The following RBFOX1 variants were observed in gnomAD, a reference collection of about 807,000 sequenced individuals.
RBFOX1 encodes the protein RNA binding fox-1 homolog 1, also known as RNA binding protein fox-1 homolog 1.
RBFOX1 carries 8 observed loss-of-function variants against 57.7 expected under a neutral mutation model. The observed-to-expected ratio is 0.14, with a 90% confidence interval of 0.08 to 0.25. RBFOX1 has a LOEUF of 0.25. Among genes scored for constraint, RBFOX1 ranks in the 10% least tolerant of loss-of-function variants. The probability of loss-of-function intolerance (pLI) is 1.00; values close to 1 mark genes in which losing one functional copy is unlikely to be tolerated. For missense variants in RBFOX1, 611 were observed against 548.5 expected, an observed-to-expected ratio of 1.11 and a Z score of -1.14; for synonymous variants, 326 against 222.4, an observed-to-expected ratio of 1.47 and a Z score of -4.15.
In RBFOX1 at chr16:7,642,154, T is replaced by G. The variant is rs193131909; in HGVS notation, c.757+11471T>G. On this transcript the variant is annotated intron_variant, in intron 11 of 15. Transcript: ENST00000550418. The stretch of plus-strand genomic sequence containing the variant: ...AGCGGGTTTGGATGGTTTATATTAG[T>G]CCAGTGACTGGACTGGTGGACCACT... Among the ~76,000 whole-genome samples, 106 of 152,226 alleles carry G rather than the reference T, an allele frequency of 7.0e-4. 3 individuals are homozygous for G. The East Asian group carries it at 0.019, about 27-fold the overall frequency.
In RBFOX1 at chr16:6,308,252, C is replaced by G. The variant is rs1328926961; in HGVS notation, c.-126-8743C>G. ...TGCACATCCTATAAATGATCATCAT[C>G]TGTTATTTCCATATTTATTTATTTG... On this transcript the variant is annotated intron_variant, in intron 1 of 15. Transcript: ENST00000550418. Among the ~76,000 whole-genome samples the G allele has an allele frequency of 2.0e-5, 3 of 152,196 alleles. No homozygotes were observed. In the East Asian group the frequency reaches 5.8e-4, roughly 29 times the overall value.
In RBFOX1 at chr16:7,020,289, A is replaced by G. The variant is rs55964618; in HGVS notation, c.-15-31768A>G. ...TACCCAGGCTGGAGTGCAGAGGCAC[A>G]GTCTTGGCTCACTGCAACCTCTGTC... On this transcript the variant is annotated intron_variant, in intron 3 of 15. Transcript: ENST00000550418. 9.0e-3 allele frequency among the ~76,000 whole-genome samples: 1,372 copies of G among 152,114 alleles called. 23 individuals carry two copies. Among genetic ancestry groups the G allele is most frequent in the African/African-American group, 0.031 (1,297 of 41,510 alleles).
intron 2 of RBFOX1, among the ~76,000 whole-genome samples, chr16:6,606,693 C>A (rs959992701): frequency 6.6e-6 from 1 of 152,094 alleles, no homozygotes; most frequent in South Asian, 2.1e-4. Context: ...CATCTCATTC[C>A]TTTTTATGGC....
At chr16:5,794,626 T>G (rs1231011713) in intron 3 of RBFOX1, among the ~76,000 whole-genome samples, 3 of 152,132 alleles carry the variant, frequency 2.0e-5, no homozygotes, top group East Asian at 3.8e-4. Flanking sequence ...AAAATGAGTT[T>G]GCCTGTGGAT....
rs977005839 is a variant in RBFOX1, at chr16:5,898,332, G to A, written c.351+30997G>A. Among the ~76,000 whole-genome samples the A allele has an allele frequency of 1.3e-5, 2 of 152,026 alleles. 1 individual carries two copies. Among genetic ancestry groups the A allele is most frequent in the Non-Finnish European group, 2.9e-5 (2 of 68,014 alleles). On this transcript the variant is annotated intron_variant, in intron 4 of 19. Coordinates refer to the RBFOX1 transcript ENST00000641259. ...TGGGGACATGGCCAAACCATGTCAGGGTATCATAGAGCAAGATCTTAACTC... is the reference window on the plus strand; with the variant it reads ...TGGGGACATGGCCAAACCATGTCAGAGTATCATAGAGCAAGATCTTAACTC...
At chr16:6,612,529 C>T (rs953350722) in intron 2 of RBFOX1, among the ~76,000 whole-genome samples, 1 of 152,126 alleles carries the variant, frequency 6.6e-6, no homozygotes, top group Non-Finnish European at 1.5e-5. Context: ...TGCCATGAGG[C>T]TAGAGCCATT....
chr16:7,446,081 C>G (rs972952978), intron 4 of RBFOX1, among the ~76,000 whole-genome samples: 2 of 152,198 alleles, frequency 1.3e-5, no homozygotes. Context: ...TGTCTGAGAT[C>G]TGGGTTAACT....
chr16:6,423,053 C>A (rs940522600), intron 2 of RBFOX1, among the ~76,000 whole-genome samples: 1 of 152,166 alleles, frequency 6.6e-6, no homozygotes, highest in African/African-American at 2.4e-5. Flanking sequence ...TTTATCCAGG[C>A]CACCGCTGAT....
chr16:6,839,661 A>G (rs1406340715), intron 3 of RBFOX1, among the ~76,000 whole-genome samples: 1 of 152,140 alleles, frequency 6.6e-6, no homozygotes, highest in East Asian at 1.9e-4. Context: ...TGTTTTTGCA[A>G]ACTCTCCTAT....
chr16:7,289,231 A>C (rs781106445), intron 4 of RBFOX1, among the ~76,000 whole-genome samples: 83 of 152,312 alleles, frequency 5.4e-4, no homozygotes, highest in Admixed American at 1.2e-3. Context: ...AGAGAAAGCA[A>C]GATTGGAAGT....
intron 3 of RBFOX1, among the ~76,000 whole-genome samples, chr16:5,717,064 G>C (rs1342355827): frequency 6.6e-6 from 1 of 152,154 alleles, no homozygotes; most frequent in East Asian, 1.9e-4. Flanking sequence ...CTGCTTGGCT[G>C]TCAGAAATTA....
At chr16:5,438,038 T>C (rs73526819) in intron 1 of RBFOX1, among the ~76,000 whole-genome samples, 3,011 of 152,298 alleles carry the variant, frequency 0.02, 117 homozygotes, top group African/African-American at 0.068. Flanking sequence ...GAAAAATAAA[T>C]GCAAAAGCTG....
At chr16:5,898,267 C>T (rs1219012606) in intron 4 of RBFOX1, among the ~76,000 whole-genome samples, 1 of 152,112 alleles carries the variant, frequency 6.6e-6, no homozygotes, top group African/African-American at 2.4e-5. Context: ...TTCCATGACA[C>T]GTGGGGTTTA....
At chr16:5,808,016 A>T (rs2055289446) in intron 3 of RBFOX1, among the ~76,000 whole-genome samples, 1 of 151,956 alleles carries the variant, frequency 6.6e-6, no homozygotes, top group Non-Finnish European at 1.5e-5. Flanking sequence ...TATCAGGCTT[A>T]CTCCTTCTAT....
chr16:5,402,731 C>G (rs1016711477), intron 1 of RBFOX1, among the ~76,000 whole-genome samples: 5 of 152,120 alleles, frequency 3.3e-5, no homozygotes, highest in Non-Finnish European at 1.5e-5. Flanking sequence ...TAAAGAGACC[C>G]TCTTAAGTGT....
rs770878443 is a variant in RBFOX1, at chr16:5,377,190, C to T, written c.220-90026C>T. On this transcript the variant is annotated intron_variant, in intron 1 of 2. Transcript: ENST00000585867. ...GGGGATAAGCCTGGGGATGCAAGTG[C>T]AAATAGTCAGACATGACATCTGCCT... is the stretch of plus-strand genomic sequence containing the variant. Among the ~76,000 whole-genome samples the T allele has an allele frequency of 2.1e-4, 32 of 151,502 alleles. 1 individual carries two copies. The highest frequency in any genetic ancestry group is 3.8e-4 in the Non-Finnish European group (26 of 68,034).
intron 11 of RBFOX1, among the ~76,000 whole-genome samples, chr16:7,647,554 A>G (rs1318496616): frequency 9.6e-6 from 1 of 104,530 alleles, no homozygotes; most frequent in Non-Finnish European, 2.3e-5. Flanking sequence ...AGGAAAAAAA[A>G]AAAAAAAGCA....
At chr16:7,166,765 A>G (rs1408339836) in intron 4 of RBFOX1, among the ~76,000 whole-genome samples, 1 of 152,016 alleles carries the variant, frequency 6.6e-6, no homozygotes, top group Admixed American at 6.5e-5. Context: ...ATGAGTGCGC[A>G]CTGGGTGGAT....
At chr16:6,388,690 T>C (rs1439457525) in intron 2 of RBFOX1, among the ~76,000 whole-genome samples, 1 of 152,096 alleles carries the variant, frequency 6.6e-6, no homozygotes, top group Admixed American at 6.5e-5. Flanking sequence ...CAGGGAGCTA[T>C]GATTGTGTCA....
Sources: allele counts gnomAD v4.1 joint callset (sites outside exome capture counted in the v4.1 genomes callset), GRCh38; gene constraint gnomAD v4.1.1; transcripts MANE v1.5; gene names NCBI Gene and HGNC (gene_info 2026-07-23, HGNC 2026-07-21).